BMAL1: variants seen among roughly 807,000 people sequenced by gnomAD.
BMAL1 encodes the protein basic helix-loop-helix ARNT like 1.
the BMAL1 span, among the ~76,000 whole-genome samples, chr11:13,278,284 G>A: frequency 6.6e-6 from 1 of 152,218 alleles, no homozygotes; most frequent in Non-Finnish European, 1.5e-5. Flanking sequence ...CCTGGCGGGG[G>A]GAGGGGGCAG....
chr11:13,309,577 T>G, the BMAL1 span, among the ~76,000 whole-genome samples: 3 of 151,960 alleles, frequency 2.0e-5, no homozygotes, highest in African/African-American at 7.3e-5. Context: ...ATGAAGTGAG[T>G]AGGTTATTTT....
chr11:13,311,953 G>A, the BMAL1 span, among the ~76,000 whole-genome samples: 2,278 of 152,264 alleles, frequency 0.015, 16 homozygotes, highest in African/African-American at 0.028. Context: ...CAAGTATGGG[G>A]ACTTGAGGAT....
the BMAL1 span, among the ~76,000 whole-genome samples, chr11:13,300,251 AT>A: frequency 9.2e-5 from 14 of 152,278 alleles, no homozygotes; most frequent in South Asian, 1.2e-3. Context: ...ATTGCTTCTA[AT>A]TTTTGCTCTT....
At chr11:13,300,092 C>T in the BMAL1 span, among the ~76,000 whole-genome samples, 638 of 152,302 alleles carry the variant, frequency 4.2e-3, 2 homozygotes, top group African/African-American at 0.014. Flanking sequence ...TGGCCTTTCC[C>T]CTGCACTATG....
chr11:13,358,348 A>G, the BMAL1 span: 1 of 1,352,736 alleles, frequency 7.4e-7, no homozygotes, highest in Non-Finnish European at 9.7e-7. Context: ...GAACATTGAA[A>G]ACAGTTACAA....
the BMAL1 span, among the ~76,000 whole-genome samples, chr11:13,344,242 C>T: frequency 6.6e-6 from 1 of 152,268 alleles, no homozygotes; most frequent in South Asian, 2.1e-4. Flanking sequence ...ATCATTTTTT[C>T]ATCTGTTTTG....
At chr11:13,325,803 C>T in the BMAL1 span, among the ~76,000 whole-genome samples, 2 of 151,924 alleles carry the variant, frequency 1.3e-5, no homozygotes, top group East Asian at 3.9e-4. Flanking sequence ...AGGTGTGTCC[C>T]CTCTGTGTCC....
At chr11:13,352,041 C>G in the BMAL1 span, among the ~76,000 whole-genome samples, 2 of 151,896 alleles carry the variant, frequency 1.3e-5, no homozygotes, top group African/African-American at 4.8e-5. Context: ...CAGGATTGGG[C>G]TGGGGTGAGG....
At chr11:13,382,679 A>G in the BMAL1 span, among the ~76,000 whole-genome samples, 1 of 152,226 alleles carries the variant, frequency 6.6e-6, no homozygotes, top group Non-Finnish European at 1.5e-5. Context: ...TGGTATTACC[A>G]AGGATTCTAC....
chr11:13,378,205 TA>T, the BMAL1 span: 2 of 1,271,748 alleles, frequency 1.6e-6, no homozygotes, highest in Non-Finnish European at 2.1e-6. Flanking sequence ...GCTGTAGCCC[TA>T]AAGTCCCTCA....
chr11:13,332,399 G>C, the BMAL1 span, among the ~76,000 whole-genome samples: 1 of 152,154 alleles, frequency 6.6e-6, no homozygotes, highest in African/African-American at 2.4e-5. Flanking sequence ...CCACTTACCT[G>C]CTTTCGAGTT....
the BMAL1 span, chr11:13,356,845 C>T: frequency 6.2e-7 from 1 of 1,611,876 alleles, no homozygotes; most frequent in East Asian, 2.2e-5. Context: ...GTTACACATT[C>T]TGTTACTTGG....
the BMAL1 span, chr11:13,369,783 T>C: frequency 1.9e-6 from 3 of 1,606,848 alleles, no homozygotes; most frequent in Non-Finnish European, 2.5e-6. Flanking sequence ...AATTTAACAG[T>C]CCATTAAAAC....
chr11:13,366,811 T>G, the BMAL1 span: 1 of 1,589,942 alleles, frequency 6.3e-7, no homozygotes, highest in Non-Finnish European at 8.6e-7. Flanking sequence ...TCGCATTTCC[T>G]CAGCAGCCCA....
At chr11:13,278,067 C>A in the BMAL1 span, 9 of 152,062 alleles carry the variant, frequency 5.9e-5, no homozygotes, top group African/African-American at 2.2e-4. Context: ...TGCCCGCTGC[C>A]GGCCTTAAAG....
the BMAL1 span, among the ~76,000 whole-genome samples, chr11:13,306,045 T>C: frequency 6.6e-6 from 1 of 152,152 alleles, no homozygotes; most frequent in South Asian, 2.1e-4. Context: ...TTTGGAGTCT[T>C]CTTATAGTCA....
chr11:13,361,473 T>C, the BMAL1 span, among the ~76,000 whole-genome samples: 1 of 152,184 alleles, frequency 6.6e-6, no homozygotes, highest in Non-Finnish European at 1.5e-5. Context: ...AGAATCTTCC[T>C]ACCCATCTTT....
chr11:13,359,584 T>G, the BMAL1 span, among the ~76,000 whole-genome samples: 1 of 152,214 alleles, frequency 6.6e-6, no homozygotes, highest in African/African-American at 2.4e-5. Context: ...ATAGGATGGT[T>G]GCAACACGTC....
At chr11:13,336,742 C>T in the BMAL1 span, among the ~76,000 whole-genome samples, 1 of 152,204 alleles carries the variant, frequency 6.6e-6, no homozygotes, top group Admixed American at 6.5e-5. Flanking sequence ...CAGAACTGAA[C>T]ACGACACCTA....
Sources: gnomAD v4.1 joint callset for allele counts (sites outside exome capture counted in the v4.1 genomes callset) on GRCh38, gnomAD v4.1.1 for gene constraint, MANE v1.5 for transcripts, NCBI Gene and HGNC (gene_info 2026-07-23, HGNC 2026-07-21) for gene names.